Variants in FBXL2 observed in about 807,000 individuals in gnomAD.
The protein encoded by FBXL2 is F-box and leucine rich repeat protein 2, also known as F-box/LRR-repeat protein 2.
In FBXL2, 38 loss-of-function variants were observed where a neutral mutation model predicts 69.2. The observed-to-expected ratio is 0.55, with a 90% CI of 0.42 to 0.72. The LOEUF (loss-of-function observed/expected upper bound fraction) is 0.72, where lower values mean the gene tolerates loss of function less well. FBXL2 is among the 30% of genes least tolerant of loss of function. FBXL2 has a pLI of 0.00. For synonymous variants in FBXL2, 192 were observed against 201.3 expected (o/e 0.95, Z 0.39); for missense variants, 354 against 520.3 (o/e 0.68, Z 3.11).
intron 2 of FBXL2, among the ~76,000 whole-genome samples, chr3:33,351,659 G>T (rs1168402491): frequency 6.6e-6 from 1 of 152,130 alleles, no homozygotes; most frequent in Non-Finnish European, 1.5e-5. Context: ...TACTTTGTGA[G>T]CAACAGGAGC....
chr3:33,277,119 A>C (rs1047918474), upstream of FBXL2: 3 of 189,844 alleles, frequency 1.6e-5, no homozygotes, highest in Admixed American at 1.8e-4. Flanking sequence ...TTATCCTTTT[A>C]AATTCTTGTT....
chr3:33,384,539 CCA>C (rs957060497), intron 14 of FBXL2, among the ~76,000 whole-genome samples: 3 of 152,136 alleles, frequency 2.0e-5, no homozygotes, highest in Admixed American at 6.5e-5. Flanking sequence ...TCAGCCTGCA[CCA>C]CAGAGTGAGA....
downstream of FBXL2, chr3:33,391,735 A>G (rs891160174): frequency 2.0e-5 from 3 of 152,202 alleles, no homozygotes; most frequent in Non-Finnish European, 4.4e-5. Flanking sequence ...TTTCACCTGG[A>G]TATCTCCTGC....
chr3:33,381,172 G>GT (rs1247741695), intron 13 of FBXL2, among the ~76,000 whole-genome samples: 4 of 152,164 alleles, frequency 2.6e-5, no homozygotes, highest in Non-Finnish European at 5.9e-5. Flanking sequence ...CAGTACATAA[G>GT]TTTTTCAATT....
intron 1 of FBXL2, among the ~76,000 whole-genome samples, chr3:33,297,245 G>A (rs1181752984): frequency 1.3e-5 from 2 of 152,068 alleles, no homozygotes; most frequent in Non-Finnish European, 2.9e-5. Context: ...TAACTATATT[G>A]TATATTTATG....
downstream of FBXL2, chr3:33,390,200 G>C: frequency 1.1e-6 from 1 of 880,746 alleles, no homozygotes; most frequent in East Asian, 2.6e-5. Context: ...TCATTAGAAA[G>C]GTCATCTTGT....
intron 12 of FBXL2, among the ~76,000 whole-genome samples, chr3:33,395,875 A>T (rs2043972387): frequency 6.6e-6 from 1 of 151,148 alleles, no homozygotes; most frequent in African/African-American, 2.4e-5. Flanking sequence ...CCAGAACTCA[A>T]TGCATTCAAG....
chr3:33,280,886 C>T (rs2033921939), intron 1 of FBXL2, among the ~76,000 whole-genome samples: 1 of 151,846 alleles, frequency 6.6e-6, no homozygotes, highest in Non-Finnish European at 1.5e-5. Context: ...AATATTTTAT[C>T]ATATAATTTT....
intron 5 of FBXL2, among the ~76,000 whole-genome samples, chr3:33,369,054 A>T (rs1575367212): frequency 3.0e-5 from 4 of 132,154 alleles, no homozygotes; most frequent in South Asian, 2.5e-4. Context: ...TTCTTCTTTT[A>T]GATTTTTTTT....
At chr3:33,388,545 T>C (rs1418059939), downstream of FBXL2, 1 of 152,564 alleles carries the variant, frequency 6.6e-6, no homozygotes, top group Admixed American at 6.5e-5. Flanking sequence ...GAATTCAAAA[T>C]AAGCACACAG....
At chr3:33,346,249 TAAAATC>T (rs2040424337) in intron 2 of FBXL2, among the ~76,000 whole-genome samples, 1 of 151,708 alleles carries the variant, frequency 6.6e-6, no homozygotes, top group South Asian at 2.1e-4. Flanking sequence ...AAAATAAAAA[TAAAATC>T]AAGAATCTAA....
intron 13 of FBXL2, among the ~76,000 whole-genome samples, chr3:33,379,503 C>A (rs907071539): frequency 1.3e-5 from 2 of 150,980 alleles, no homozygotes; most frequent in African/African-American, 4.9e-5. Context: ...TACAGGCGTG[C>A]ACCACCACGC....
intron 2 of FBXL2, among the ~76,000 whole-genome samples, chr3:33,338,526 A>G (rs193066904): frequency 2.6e-5 from 4 of 152,310 alleles, no homozygotes; most frequent in Non-Finnish European, 4.4e-5. Flanking sequence ...ACTTCAAACT[A>G]TACTGCAAGG....
At chr3:33,284,085 C>T (rs1026503621) in intron 1 of FBXL2, among the ~76,000 whole-genome samples, 7 of 152,166 alleles carry the variant, frequency 4.6e-5, no homozygotes, top group Non-Finnish European at 7.3e-5. Flanking sequence ...TTCTTGCCTT[C>T]GGCTAGCTTT....
the FBXL2 span, among the ~76,000 whole-genome samples, chr3:33,421,114 G>A: frequency 3.3e-5 from 5 of 152,196 alleles, no homozygotes; most frequent in African/African-American, 4.8e-5. Context: ...CAGCTGTTAA[G>A]ACAAAAGGCA....
chr3:33,362,061 A>G (rs1445669356), intron 4 of FBXL2, among the ~76,000 whole-genome samples: 1 of 152,226 alleles, frequency 6.6e-6, no homozygotes, highest in Non-Finnish European at 1.5e-5. Context: ...AACTTACCCA[A>G]GGTCACTCAC....
intron 2 of FBXL2, among the ~76,000 whole-genome samples, chr3:33,307,032 T>G (rs1680991579): frequency 6.6e-6 from 1 of 152,076 alleles, no homozygotes; most frequent in Non-Finnish European, 1.5e-5. Flanking sequence ...TTAGAAATAA[T>G]GAGATATATA....
intron 2 of FBXL2, among the ~76,000 whole-genome samples, chr3:33,327,519 G>A (rs1056114291): frequency 1.3e-4 from 20 of 152,098 alleles, no homozygotes; most frequent in Admixed American, 1.1e-3. Context: ...CAAACTTCCA[G>A]TTTTACAGAT....
At chr3:33,328,006 CA>C (rs2038844159) in intron 2 of FBXL2, among the ~76,000 whole-genome samples, 1 of 148,732 alleles carries the variant, frequency 6.7e-6, no homozygotes, top group African/African-American at 2.5e-5. Context: ...ACTAAAGTTG[CA>C]GGATACAAAG....
Sources: allele counts gnomAD v4.1 joint callset (sites outside exome capture counted in the v4.1 genomes callset), GRCh38; gene constraint gnomAD v4.1.1; transcripts MANE v1.5; gene names NCBI Gene and HGNC (gene_info 2026-07-23, HGNC 2026-07-21).